The following PM20D1 variants were observed in gnomAD, a reference collection of about 807,000 sequenced individuals.
The protein encoded by PM20D1 is N-fatty-acyl-amino acid synthase/hydrolase PM20D1.
A neutral mutation model predicts 53.8 loss-of-function variants in PM20D1; 53 were observed. The ratio of observed to expected loss-of-function variants is 0.98; its 90% CI spans 0.79 to 1.24. The LOEUF is 1.24. Among genes scored for constraint, PM20D1 ranks in the 50% most tolerant of loss-of-function variants. PM20D1 has a pLI of 0.00. For synonymous variants in PM20D1, 239 were observed against 241.3 expected (o/e 0.99, Z 0.09); for missense variants, 564 against 616.8 (o/e 0.91, Z 0.91).
intron 6 of PM20D1, 124 bp from the exon 7 acceptor site, chr1:205,842,875 C>T: frequency 5.4e-6 from 4 of 740,888 alleles, no homozygotes; most frequent in Non-Finnish European, 9.3e-6. Flanking sequence ...TCTCATTCAC[C>T]TCCCTCCCAC....
At chr1:205,840,491 C>T (rs1656782278) in intron 9 of PM20D1, among the ~76,000 whole-genome samples, 168 bp from the exon 10 acceptor site, 1 of 152,188 alleles carries the variant, frequency 6.6e-6, no homozygotes, top group Admixed American at 6.5e-5. Context: ...AACTAAGTGA[C>T]ATGTTATATT....
At position 205,843,527 on chromosome 1, in the gene PM20D1, C is replaced by T. The variant is rs1381195611; in HGVS notation, c.827+140G>A. 8 of 1,228,130 alleles carry T rather than the reference C, an allele frequency of 6.5e-6. No homozygotes were observed. In the Admixed American group the frequency reaches 1.9e-4, roughly 29 times the overall value. 76.1% of individuals were successfully genotyped at this position (1,228,130 alleles called of 1,614,324 possible). A position where few individuals can be genotyped will look rare whatever the true frequency, so the allele number is the denominator to read the frequency against. On this transcript the variant is annotated intron_variant, in intron 6 of 12. Transcript: ENST00000367136. ...GTCCTGGGCTTCCCCTTCTGTTCTTCCTCTAGTGTCAATTTTTTATAGCAT... is the reference window on the plus strand; with the variant it reads ...GTCCTGGGCTTCCCCTTCTGTTCTTTCTCTAGTGTCAATTTTTTATAGCAT...
At position 205,832,645 on chromosome 1, in the gene PM20D1, CG is replaced by C. The variant is rs1656585165; in HGVS notation, c.1237del (p.Arg413AlafsTer67). On this transcript the variant is annotated frameshift_variant, in exon 11 of 13. Transcript: ENST00000367136. LOFTEE classifies it high-confidence loss of function. ...DDKALGYQLLRQTVQSVFPEV... is the reference protein window; with the variant it reads ...DDKALGYQLLXQTVQSVFPEV... ...CGGGAAGACGGACTGTACGGTCTGG[CG>C]GAGCAGCTGGTAGCCCAAGGCCTTG... 2 of 1,614,026 alleles carry C rather than the reference CG, an allele frequency of 1.2e-6. No individual in the cohort carries two copies. The highest frequency in any genetic ancestry group is 4.5e-5 in the East Asian group (2 of 44,878).
At chr1:205,846,246 C>T (rs912905444) in intron 2 of PM20D1, among the ~76,000 whole-genome samples, 4 of 151,902 alleles carry the variant, frequency 2.6e-5, no homozygotes, top group African/African-American at 9.7e-5. Context: ...AACAGCTGGG[C>T]GTGGTGGCAC....
chr1:205,828,461 A>C lies in PM20D1; in HGVS notation c.*159T>G. On this transcript the variant is annotated 3_prime_UTR_variant, in exon 13 of 13. Coordinates refer to ENST00000367136, the MANE Select transcript of PM20D1 (RefSeq NM_152491.5). The stretch of plus-strand genomic sequence containing the variant: ...GCCAGATTTCTGCTGACTTTACCTT[A>C]CCCCGGCCTTGTTCTTGGGAGAGTT... 1 of 1,065,402 alleles carries C rather than the reference A, an allele frequency of 9.4e-7. No individual in the cohort carries two copies. The highest frequency in any genetic ancestry group is 1.3e-6 in the Non-Finnish European group (1 of 770,210). The allele number at this position is 1,065,402 out of a possible 1,614,324, so 66.0% of individuals were successfully genotyped here.
intron 6 of PM20D1, among the ~76,000 whole-genome samples, 181 bp from the exon 7 acceptor site, chr1:205,842,932 T>C (rs1330196983): frequency 1.3e-5 from 2 of 152,128 alleles, no homozygotes; most frequent in African/African-American, 4.8e-5. Context: ...CCCCAGGAGC[T>C]TTCCCTGTCT....
At chr1:205,841,939 A>T in intron 8 of PM20D1, 50 bp from the exon 9 acceptor site, 1 of 1,500,098 alleles carries the variant, frequency 6.7e-7, no homozygotes, top group Non-Finnish European at 9.1e-7. Context: ...AATGGGGTGA[A>T]GGAAAGGGCG....
chr1:205,845,180 A>G, intron 3 of PM20D1, 145 bp downstream of exon 3: 1 of 812,802 alleles, frequency 1.2e-6, no homozygotes, highest in Non-Finnish European at 2.0e-6. Context: ...CAGAGAAGGG[A>G]AGTGACAAAC....
intron 9 of PM20D1, 140 bp downstream of exon 9, chr1:205,841,671 A>C: frequency 1.2e-6 from 1 of 817,770 alleles, no homozygotes; most frequent in Admixed American, 2.4e-5. Flanking sequence ...AGATTTCAGA[A>C]AGGCCTATGT....
intron 9 of PM20D1, 133 bp downstream of exon 9, chr1:205,841,678 A>C: frequency 1.1e-6 from 1 of 902,336 alleles, no homozygotes; most frequent in Non-Finnish European, 1.7e-6. Context: ...AGAAAGGCCT[A>C]TGTCTTTGCG....
In PM20D1 at chr1:205,849,892, A is replaced by T; in HGVS notation, c.169+12T>A. 6.2e-7 allele frequency: 1 copy of T among 1,605,670 alleles called. No homozygotes were observed. The highest frequency in any genetic ancestry group is 8.5e-7 in the Non-Finnish European group (1 of 1,174,248). On this transcript the variant is annotated intron_variant, in intron 1 of 12. Coordinates refer to ENST00000367136, the MANE Select transcript of PM20D1 (RefSeq NM_152491.5). ...ATATGAGCATAGGTGGGTGAAGGGG[A>T]CCCGGGTTCACCTTTCAGCGCCTCT...
intron 12 of PM20D1, among the ~76,000 whole-genome samples, 196 bp from the exon 13 acceptor site, chr1:205,828,939 A>G (rs1315777728): frequency 2.0e-5 from 3 of 152,214 alleles, no homozygotes; most frequent in Admixed American, 6.5e-5. Flanking sequence ...GGATCCATCT[A>G]TGCTCGTGAC....
In PM20D1 at chr1:205,844,221, C is replaced by A; in HGVS notation, c.577-4G>T. The A allele has an allele frequency of 3.7e-6, 6 of 1,605,674 alleles. No homozygotes were observed. Among genetic ancestry groups the A allele is most frequent in the Non-Finnish European group, 5.1e-6 (6 of 1,175,344 alleles). On this transcript the variant is annotated splice_region_variant and splice_polypyrimidine_tract_variant and intron_variant, in intron 4 of 12. Transcript: ENST00000367136. ...TCTGAGCCCCTGTCCCTGATGACTGCAGACATGGAACATAGAGCTATAGTC... is the reference window on the plus strand; with the variant it reads ...TCTGAGCCCCTGTCCCTGATGACTGAAGACATGGAACATAGAGCTATAGTC...
intron 10 of PM20D1, among the ~76,000 whole-genome samples, chr1:205,838,482 C>T (rs1656732576): frequency 6.6e-6 from 1 of 152,160 alleles, no homozygotes; most frequent in Non-Finnish European, 1.5e-5. Flanking sequence ...TTCATTATAG[C>T]ACTCATCGTG....
At chr1:205,845,654 T>A (rs886254919) in intron 2 of PM20D1, 97 bp from the exon 3 acceptor site, 47 of 1,008,912 alleles carry the variant, frequency 4.7e-5, no homozygotes, top group Admixed American at 7.6e-5. Context: ...TTATTTATTT[T>A]TTTAAACATG....
At chr1:205,845,021 G>C in intron 3 of PM20D1, 124 bp from the exon 4 acceptor site, 2 of 802,850 alleles carry the variant, frequency 2.5e-6, no homozygotes, top group South Asian at 1.6e-5. Flanking sequence ...AGATTCTCTT[G>C]AAAGAGAACA....
chr1:205,829,556 C>A (rs908834144), intron 12 of PM20D1, among the ~76,000 whole-genome samples: 1 of 152,188 alleles, frequency 6.6e-6, no homozygotes, highest in South Asian at 2.1e-4. Context: ...ACAAAACAAA[C>A]AACAACCAAA....
intron 10 of PM20D1, among the ~76,000 whole-genome samples, chr1:205,839,149 A>C (rs1297450297): frequency 6.6e-6 from 1 of 152,186 alleles, no homozygotes; most frequent in African/African-American, 2.4e-5. Context: ...TAGATCCCTA[A>C]ACTACAACTC....
In PM20D1 at chr1:205,844,859, C is replaced by T. The variant is rs1375359869; in HGVS notation, c.528G>A (p.Lys176=). 1 of 1,613,936 alleles carries T rather than the reference C, an allele frequency of 6.2e-7. No homozygotes were observed. Among genetic ancestry groups the T allele is most frequent in the African/African-American group, 1.3e-5 (1 of 74,928 alleles). Reference sequence around the variant, plus strand: ...TGAAGAAAGATCTTCGGGGGATGTACTTCCTGATCAGCAGGAGCTCCAAGG... The same window carrying T: ...TGAAGAAAGATCTTCGGGGGATGTATTTCCTGATCAGCAGGAGCTCCAAGG... ...LQALELLLIR[K]YIPRRSFFIS... Residue 176 remains lysine, a synonymous_variant, in exon 4 of 13, where the codon AAG becomes AAA. Transcript: ENST00000367136.
Sources: allele counts gnomAD v4.1 joint callset (sites outside exome capture counted in the v4.1 genomes callset), GRCh38; gene constraint gnomAD v4.1.1; transcripts MANE v1.5; gene names NCBI Gene and HGNC (gene_info 2026-07-23, HGNC 2026-07-21).